SGK3: variants seen among roughly 807,000 people sequenced by gnomAD.
SGK3 encodes the protein serine/threonine-protein kinase Sgk3.
A neutral mutation model predicts 68.5 loss-of-function variants in SGK3; 47 were observed. That is an observed-to-expected ratio of 0.69 (90% confidence interval 0.54 to 0.87). SGK3 has a LOEUF of 0.87. Ranked by LOEUF, SGK3 falls within the 40% of genes least tolerant of loss-of-function variation. The probability of loss-of-function intolerance (pLI) is 0.00; values close to 1 mark genes in which losing one functional copy is unlikely to be tolerated. For missense variants in SGK3, 479 were observed against 575.5 expected (o/e 0.83, Z 1.72); for synonymous variants, 181 against 189.1 (o/e 0.96, Z 0.35).
At chr8:66,755,272 A>G (rs1367577892) in intron 1 of SGK3, among the ~76,000 whole-genome samples, 1 of 151,862 alleles carries the variant, frequency 6.6e-6, no homozygotes, top group Non-Finnish European at 1.5e-5. Flanking sequence ...AAAAAAAAAA[A>G]ACGAAAAACA....
chr8:66,847,241 C>T lies in SGK3; in HGVS notation c.1123C>T (p.His375Tyr). The change falls in exon 15 of 17, where the codon CAC becomes TAC. Residue 375 changes from histidine (H) to tyrosine (Y), a missense_variant. By Grantham distance (83) the His-to-Tyr change is moderately conservative. Coordinates refer to ENST00000521198, the MANE Select transcript of SGK3 (RefSeq NM_001033578.3). ...DVAEMYDNILHKPLSLRPGVS... is the reference protein window; with the variant it reads ...DVAEMYDNILYKPLSLRPGVS... ...TGCTGAAATGTATGACAATATCCTT[C>T]ACAAACCCCTAAGTTTGAGGCCAGG... The T allele has an allele frequency of 1.2e-6, 2 of 1,613,520 alleles. No individual in the cohort carries two copies. Among genetic ancestry groups the T allele is most frequent in the Non-Finnish European group, 1.7e-6 (2 of 1,179,894 alleles).
At chr8:66,817,055 C>T (rs1808616976) in intron 5 of SGK3, among the ~76,000 whole-genome samples, 1 of 151,838 alleles carries the variant, frequency 6.6e-6, no homozygotes, top group Non-Finnish European at 1.5e-5. Context: ...GGTTGGAACT[C>T]CTGACCTCAG....
chr8:66,757,957 A>G (rs1352018904), intron 1 of SGK3, among the ~76,000 whole-genome samples: 1 of 148,650 alleles, frequency 6.7e-6, no homozygotes, highest in African/African-American at 2.5e-5. Flanking sequence ...ATATATATAT[A>G]CACACACTAT....
intron 1 of SGK3, among the ~76,000 whole-genome samples, chr8:66,773,691 G>A (rs1389805816): frequency 6.6e-6 from 1 of 152,198 alleles, no homozygotes; most frequent in Non-Finnish European, 1.5e-5. Flanking sequence ...CGTGATAATG[G>A]AGATGCCTAC....
At chr8:66,816,131 C>G (rs1032004795) in intron 5 of SGK3, among the ~76,000 whole-genome samples, 99 of 151,454 alleles carry the variant, frequency 6.5e-4, no homozygotes, top group Non-Finnish European at 1.2e-3. Flanking sequence ...TCCCCAGTAG[C>G]TGGGACTACA....
intron 1 of SGK3, chr8:66,767,514 AG>A: frequency 2.6e-6 from 4 of 1,511,716 alleles, no homozygotes; most frequent in Non-Finnish European, 1.8e-6. Context: ...TCAAAGGTGA[AG>A]GGGGGCCCAG....
At chr8:66,766,894 T>A (rs1806335680) in intron 1 of SGK3, among the ~76,000 whole-genome samples, 1 of 152,184 alleles carries the variant, frequency 6.6e-6, no homozygotes, top group African/African-American at 2.4e-5. Flanking sequence ...TCTTGTTGCC[T>A]AGGCTGGAGT....
chr8:66,772,414 A>G (rs1806540678), intron 1 of SGK3, among the ~76,000 whole-genome samples: 1 of 146,882 alleles, frequency 6.8e-6, no homozygotes, highest in Non-Finnish European at 1.5e-5. Context: ...TTTTTTTTTG[A>G]GGCAGGGTCT....
intron 1 of SGK3, among the ~76,000 whole-genome samples, chr8:66,764,541 A>G (rs1806261913): frequency 6.6e-6 from 1 of 151,784 alleles, no homozygotes; most frequent in Non-Finnish European, 1.5e-5. Context: ...TCTGCTCTTG[A>G]CTCACTACAG....
At chr8:66,723,583 A>G (rs1204069712) in intron 1 of SGK3, among the ~76,000 whole-genome samples, 1 of 152,148 alleles carries the variant, frequency 6.6e-6, no homozygotes, top group Non-Finnish European at 1.5e-5. Context: ...AGCTGGGAAT[A>G]CAGGCATGTA....
At chr8:66,825,951 A>G (rs1346430384) in intron 6 of SGK3, among the ~76,000 whole-genome samples, 1 of 152,032 alleles carries the variant, frequency 6.6e-6, no homozygotes, top group African/African-American at 2.4e-5. Context: ...ATGTTGTTTA[A>G]TCTGCACTAT....
At chr8:66,770,584 C>T (rs1806476652) in intron 1 of SGK3, among the ~76,000 whole-genome samples, 3 of 152,266 alleles carry the variant, frequency 2.0e-5, no homozygotes, top group Admixed American at 6.5e-5. Context: ...TCTTAGTATT[C>T]TACCTGCATT....
intron 1 of SGK3, among the ~76,000 whole-genome samples, chr8:66,747,858 T>C (rs1226237969): frequency 1.3e-5 from 2 of 152,228 alleles, no homozygotes; most frequent in Non-Finnish European, 2.9e-5. Flanking sequence ...GTCTATTTGA[T>C]TTGTTAAGTC....
intron 2 of SGK3, among the ~76,000 whole-genome samples, chr8:66,796,400 C>T (rs891110500): frequency 1.2e-4 from 15 of 126,606 alleles, no homozygotes; most frequent in African/African-American, 1.7e-4. Context: ...CTCTTGACCT[C>T]GTGATCCGCC....
At chr8:66,809,250 C>A (rs775316136) in intron 4 of SGK3, among the ~76,000 whole-genome samples, 17 of 152,174 alleles carry the variant, frequency 1.1e-4, no homozygotes, top group Admixed American at 1.0e-3. Flanking sequence ...GTAACCAACA[C>A]CCCTAGCATT....
At chr8:66,751,039 C>T (rs1031268438) in intron 1 of SGK3, among the ~76,000 whole-genome samples, 6 of 151,078 alleles carry the variant, frequency 4.0e-5, no homozygotes, top group African/African-American at 1.5e-4. Flanking sequence ...GTGGCTTACG[C>T]CTGTAATCCC....
intron 1 of SGK3, among the ~76,000 whole-genome samples, chr8:66,750,108 A>C (rs1231550478): frequency 6.6e-6 from 1 of 152,098 alleles, no homozygotes; most frequent in Admixed American, 6.6e-5. Flanking sequence ...TAACATGCTG[A>C]ATCAGTTTTT....
chr8:66,793,211 G>A (rs1268174566), intron 1 of SGK3, among the ~76,000 whole-genome samples: 1 of 152,150 alleles, frequency 6.6e-6, no homozygotes, highest in Non-Finnish European at 1.5e-5. Flanking sequence ...CTGTGTTTCA[G>A]TTGCCTCATT....
intron 7 of SGK3, among the ~76,000 whole-genome samples, 197 bp downstream of exon 7, chr8:66,828,900 A>T (rs535620528): frequency 7.2e-6 from 1 of 138,092 alleles, no homozygotes; most frequent in Non-Finnish European, 1.5e-5. Flanking sequence ...AGGAATTTTT[A>T]ATCCACAGAT....
Sources: gnomAD v4.1 joint callset for allele counts (sites outside exome capture counted in the v4.1 genomes callset) on GRCh38, gnomAD v4.1.1 for gene constraint, MANE v1.5 for transcripts, NCBI Gene and HGNC (gene_info 2026-07-23, HGNC 2026-07-21) for gene names.